The following ZNF609 variants were observed in gnomAD, a reference collection of about 807,000 sequenced individuals.
ZNF609 encodes zinc finger protein 609.
A neutral mutation model predicts 109.5 loss-of-function variants in ZNF609; 11 were observed. That is an observed-to-expected ratio of 0.10 (90% CI 0.06 to 0.17). The LOEUF is 0.17. Ranked by LOEUF, ZNF609 falls within the 10% of genes least tolerant of loss-of-function variation. The probability of loss-of-function intolerance (pLI) is 1.00; values close to 1 mark genes in which losing one functional copy is unlikely to be tolerated. For synonymous variants in ZNF609, 646 were observed against 662.0 expected (o/e 0.98, Z 0.37); for missense variants, 1,559 against 1,772.4 (o/e 0.88, Z 2.16).
At chr15:64,476,018 C>T (rs972031716) in intron 1 of ZNF609, among the ~76,000 whole-genome samples, 7 of 152,136 alleles carry the variant, frequency 4.6e-5, no homozygotes, top group Non-Finnish European at 2.9e-5. Context: ...CATTTGTTGC[C>T]TTTACTGCAT....
chr15:64,638,629 C>T (rs1008486706), intron 3 of ZNF609, among the ~76,000 whole-genome samples: 2 of 152,066 alleles, frequency 1.3e-5, no homozygotes, highest in Admixed American at 1.3e-4. Flanking sequence ...GGCACCATGG[C>T]TCACACCTGT....
chr15:64,645,511 C>T (rs1231357381), intron 3 of ZNF609, among the ~76,000 whole-genome samples: 1 of 151,868 alleles, frequency 6.6e-6, no homozygotes, highest in Non-Finnish European at 1.5e-5. Context: ...ACACCAAAAG[C>T]ACAAGCCAGC....
chr15:64,577,011 T>TATATACACATA (rs1894977397), intron 2 of ZNF609, among the ~76,000 whole-genome samples: 1 of 124,512 alleles, frequency 8.0e-6, no homozygotes, highest in Non-Finnish European at 1.7e-5. Flanking sequence ...TATATATGTA[T>TATATACACATA]GTATACACAT....
intron 2 of ZNF609, among the ~76,000 whole-genome samples, chr15:64,583,655 T>C (rs969018540): frequency 5.3e-5 from 8 of 152,210 alleles, no homozygotes; most frequent in African/African-American, 1.9e-4. Context: ...TCTCTGTTCT[T>C]AGTTGTGCAT....
chr15:64,603,481 C>T (rs1192670998), intron 2 of ZNF609, among the ~76,000 whole-genome samples: 2 of 151,556 alleles, frequency 1.3e-5, no homozygotes, highest in African/African-American at 4.8e-5. Context: ...GTCGCCCAGG[C>T]TAGTCTCAAA....
intron 2 of ZNF609, chr15:64,529,497 G>T: frequency 9.0e-7 from 1 of 1,115,804 alleles, no homozygotes; most frequent in Non-Finnish European, 1.3e-6. Flanking sequence ...CCTTGACGGT[G>T]CCATGGAATT....
intron 2 of ZNF609, among the ~76,000 whole-genome samples, chr15:64,519,507 A>G (rs1338185929): frequency 6.6e-6 from 1 of 152,186 alleles, no homozygotes; most frequent in African/African-American, 2.4e-5. Context: ...ATATGTCTAT[A>G]CAAACATTTT....
At chr15:64,676,359 T>G in intron 5 of ZNF609, 103 bp downstream of exon 5, 1 of 1,035,222 alleles carries the variant, frequency 9.7e-7, no homozygotes, top group Non-Finnish European at 1.4e-6. Flanking sequence ...GAATTGAGAT[T>G]AGCAGGAGAG....
At chr15:64,474,359 G>A (rs57775452) in intron 1 of ZNF609, among the ~76,000 whole-genome samples, 2 of 151,664 alleles carry the variant, frequency 1.3e-5, no homozygotes, top group Admixed American at 6.6e-5. Flanking sequence ...GATTACAGGC[G>A]TACGCCACCA....
At chr15:64,592,668 G>A (rs1185135544) in intron 2 of ZNF609, among the ~76,000 whole-genome samples, 1 of 151,692 alleles carries the variant, frequency 6.6e-6, no homozygotes, top group South Asian at 2.1e-4. Context: ...CGCAATCCCA[G>A]CATTCTGGGA....
intron 2 of ZNF609, among the ~76,000 whole-genome samples, chr15:64,575,022 A>G (rs1448303495): frequency 6.6e-6 from 1 of 152,194 alleles, no homozygotes; most frequent in African/African-American, 2.4e-5. Flanking sequence ...TGGGGCTTGT[A>G]TGTGGCAGCA....
chr15:64,478,822 G>C (rs1726109770), intron 1 of ZNF609, among the ~76,000 whole-genome samples: 1 of 152,158 alleles, frequency 6.6e-6, no homozygotes, highest in African/African-American at 2.4e-5. Context: ...TATCAAACTT[G>C]AAGTCATACA....
At chr15:64,491,905 G>A (rs182117969) in intron 1 of ZNF609, among the ~76,000 whole-genome samples, 35 of 151,770 alleles carry the variant, frequency 2.3e-4, no homozygotes, top group African/African-American at 8.2e-4. Flanking sequence ...AGGGATTTCT[G>A]AAGCAAGATG....
At chr15:64,472,687 C>G (rs1893108351) in intron 1 of ZNF609, among the ~76,000 whole-genome samples, 1 of 151,964 alleles carries the variant, frequency 6.6e-6, no homozygotes, top group African/African-American at 2.4e-5. Context: ...CAACATAGAC[C>G]CCATCTCTAC....
intron 2 of ZNF609, among the ~76,000 whole-genome samples, chr15:64,570,646 T>G (rs2140413251): frequency 6.6e-6 from 1 of 152,362 alleles, no homozygotes; most frequent in African/African-American, 2.4e-5. Context: ...GCATTGTGTT[T>G]AATTCTAGAA....
chr15:64,563,624 A>AATT (rs1894723225), intron 2 of ZNF609, among the ~76,000 whole-genome samples: 2 of 150,668 alleles, frequency 1.3e-5, no homozygotes, highest in African/African-American at 4.9e-5. Context: ...TGAAAAACAA[A>AATT]ATTTAGCCGG....
At chr15:64,605,991 G>T (rs1039136943) in intron 2 of ZNF609, among the ~76,000 whole-genome samples, 1 of 142,534 alleles carries the variant, frequency 7.0e-6, no homozygotes, top group African/African-American at 2.6e-5. Context: ...TCCTGACCTC[G>T]TGATCCACCC....
Position 64,641,215 on chromosome 15 carries a change from C to CTTTTTTTTT in ZNF609, c.973+18166_973+18167insTTTTTTTTT, listed in dbSNP as rs1437729494. ...ATGATGGGTGTTAGTTACACTTGTG[C>CTTTTTTTTT]TTTCTTTTTTTTTTTTTTTGAGATG... is the stretch of plus-strand genomic sequence containing the variant. On this transcript the variant is annotated intron_variant, in intron 3 of 9. Transcript: ENST00000326648. Among the ~76,000 whole-genome samples, 150 of 18,062 alleles carry CTTTTTTTTT rather than the reference C, an allele frequency of 8.3e-3. 2 individuals carry two copies. The highest frequency in any genetic ancestry group is 0.022 in the African/African-American group (143 of 6,494). The allele number at this position is 18,062 out of a possible 152,430, so 11.8% of individuals were successfully genotyped here.
At chr15:64,588,187 G>A (rs1173927019) in intron 2 of ZNF609, among the ~76,000 whole-genome samples, 1 of 150,400 alleles carries the variant, frequency 6.6e-6, no homozygotes, top group Non-Finnish European at 1.5e-5. Flanking sequence ...CCAGCACTTT[G>A]GGAGGCCGAG....
Sources: allele counts gnomAD v4.1 joint callset (sites outside exome capture counted in the v4.1 genomes callset), GRCh38; gene constraint gnomAD v4.1.1; transcripts MANE v1.5; gene names NCBI Gene and HGNC (gene_info 2026-07-23, HGNC 2026-07-21).